Variants in FAM120A observed in about 807,000 individuals in gnomAD.
FAM120A encodes family with sequence similarity 120 member A, also known as constitutive coactivator of PPAR-gamma-like protein 1.
FAM120A carries 15 observed loss-of-function variants against 109.7 expected under a neutral mutation model. The ratio of observed to expected loss-of-function variants is 0.14; its 90% CI spans 0.09 to 0.21. The LOEUF (loss-of-function observed/expected upper bound fraction) is 0.21, where lower values mean the gene tolerates loss of function less well. Ranked by LOEUF, FAM120A falls within the 10% of genes least tolerant of loss-of-function variation. The pLI is 1.00. For missense variants in FAM120A, 899 were observed against 1,439.3 expected, an observed-to-expected ratio of 0.62 and a Z score of 6.07; for synonymous variants, 493 against 572.8, an observed-to-expected ratio of 0.86 and a Z score of 1.99.
intron 7 of FAM120A, among the ~76,000 whole-genome samples, chr9:93,521,521 G>A (rs991294899): frequency 1.3e-5 from 2 of 151,606 alleles, no homozygotes; most frequent in African/African-American, 4.9e-5. Context: ...GTTCAAGGCT[G>A]TAGTGAGCCA....
chr9:93,549,871 G>T (rs117184781), intron 11 of FAM120A, among the ~76,000 whole-genome samples: 7 of 152,326 alleles, frequency 4.6e-5, no homozygotes, highest in African/African-American at 1.7e-4. Flanking sequence ...ACTCCTTGGG[G>T]TTGTGCCTTG....
Position 93,563,130 on chromosome 9 carries a change from G to A in FAM120A, c.3045+826G>A, listed in dbSNP as rs577058060. On this transcript the variant is annotated intron_variant, in intron 17 of 17. Transcript: ENST00000277165. ...TATGTGGGGACCCTTGGTTTATGGG[G>A]GCCATTCCTTAGGCAAGGGTCACAT... is the stretch of plus-strand genomic sequence containing the variant. Among the ~76,000 whole-genome samples the A allele has an allele frequency of 6.0e-4, 91 of 152,240 alleles. 1 individual carries two copies. The highest frequency in any genetic ancestry group is 1.7e-3 in the South Asian group (8 of 4,820).
In FAM120A at chr9:93,452,504, C is replaced by G. The variant is rs767466439; in HGVS notation, c.474+115C>G. Reference sequence around the variant, plus strand: ...GCGGCGCTGGGGGCAGCGAGTTCCCCCAGCCCTTGCCCGGGATAGCCTGGC... The same window carrying G: ...GCGGCGCTGGGGGCAGCGAGTTCCCGCAGCCCTTGCCCGGGATAGCCTGGC... On this transcript the variant is annotated intron_variant, in intron 1 of 17. Coordinates refer to ENST00000277165, the MANE Select transcript of FAM120A (RefSeq NM_014612.5). The surrounding 1 kb of genome is among the most constrained non-coding windows in gnomAD (Gnocchi z 7.0). The G allele has an allele frequency of 8.4e-6, 13 of 1,548,000 alleles. No individual in the cohort carries two copies. Among genetic ancestry groups the G allele is most frequent in the Non-Finnish European group, 1.1e-5 (13 of 1,151,920 alleles).
intron 12 of FAM120A, 143 bp downstream of exon 12, chr9:93,550,834 G>C: frequency 3.4e-6 from 2 of 589,312 alleles, no homozygotes; most frequent in South Asian, 4.5e-5. Flanking sequence ...AATATGATAA[G>C]AACTTGATCA....
At chr9:93,474,048 T>C (rs1429844671) in intron 2 of FAM120A, among the ~76,000 whole-genome samples, 1 of 151,018 alleles carries the variant, frequency 6.6e-6, no homozygotes, top group Non-Finnish European at 1.5e-5. Context: ...ACTGATACTT[T>C]TCTAGCTTGT....
At chr9:93,488,450 G>A (rs1400913363) in intron 3 of FAM120A, among the ~76,000 whole-genome samples, 1 of 151,190 alleles carries the variant, frequency 6.6e-6, no homozygotes, top group Non-Finnish European at 1.5e-5. Context: ...TTTCCTCCTC[G>A]CCTCTGTTGC....
intron 10 of FAM120A, among the ~76,000 whole-genome samples, chr9:93,542,776 A>C (rs1394263910): frequency 6.6e-6 from 1 of 152,172 alleles, no homozygotes; most frequent in African/African-American, 2.4e-5. Flanking sequence ...TCTCAAATCT[A>C]ATTTATGAGG....
chr9:93,495,081 G>GT (rs1859513659), intron 3 of FAM120A, among the ~76,000 whole-genome samples: 1 of 152,192 alleles, frequency 6.6e-6, no homozygotes, highest in Admixed American at 6.5e-5. Context: ...CCTACAGGGG[G>GT]GCCAGCAGCA....
intron 10 of FAM120A, 55 bp from the exon 11 acceptor site, chr9:93,543,167 T>C: frequency 6.3e-7 from 1 of 1,581,786 alleles, no homozygotes; most frequent in Non-Finnish European, 8.6e-7. Context: ...TTGTTAAGAC[T>C]GAAAGCAGGT....
intron 3 of FAM120A, among the ~76,000 whole-genome samples, chr9:93,489,208 TC>T: frequency 6.6e-6 from 1 of 152,312 alleles, no homozygotes; most frequent in East Asian, 1.9e-4. Flanking sequence ...TAGCGTCCAC[TC>T]AGCCACTCAC....
chr9:93,514,184 C>A (rs1447479912), intron 5 of FAM120A, among the ~76,000 whole-genome samples: 1 of 152,092 alleles, frequency 6.6e-6, no homozygotes, highest in Non-Finnish European at 1.5e-5. Context: ...GGGGAAGAGC[C>A]CCTTATACAA....
intron 13 of FAM120A, among the ~76,000 whole-genome samples, chr9:93,557,576 G>T (rs1292450634): frequency 6.6e-6 from 1 of 152,220 alleles, no homozygotes; most frequent in African/African-American, 2.4e-5. Flanking sequence ...CTCAGCTGGG[G>T]TCAGTGCATC....
At chr9:93,550,184 T>G (rs1026853309) in intron 11 of FAM120A, among the ~76,000 whole-genome samples, 1 of 152,218 alleles carries the variant, frequency 6.6e-6, no homozygotes, top group East Asian at 1.9e-4. Flanking sequence ...GGATTTGTCT[T>G]TCTTATTTAT....
intron 11 of FAM120A, 37 bp from the exon 12 acceptor site, chr9:93,550,540 C>T (rs369422067): frequency 6.6e-7 from 1 of 1,520,910 alleles, no homozygotes; most frequent in South Asian, 1.1e-5. Context: ...GGCGACCACT[C>T]AGTAATCACC....
intron 11 of FAM120A, among the ~76,000 whole-genome samples, chr9:93,548,771 A>T (rs1032550144): frequency 6.6e-6 from 1 of 152,156 alleles, no homozygotes; most frequent in Non-Finnish European, 1.5e-5. Context: ...GGCTGGGTGC[A>T]GTGGCTCACG....
chr9:93,468,831 G>T (rs1040297201), intron 1 of FAM120A, among the ~76,000 whole-genome samples: 1 of 152,160 alleles, frequency 6.6e-6, no homozygotes, highest in Admixed American at 6.5e-5. Flanking sequence ...TGAGGTTACC[G>T]GGTTAAAGAG....
At chr9:93,507,541 A>G (rs533910655) in intron 5 of FAM120A, among the ~76,000 whole-genome samples, 26 of 152,184 alleles carry the variant, frequency 1.7e-4, no homozygotes, top group Admixed American at 4.6e-4. Context: ...GCTGGTGTGT[A>G]ATGCTGAGAG....
chr9:93,483,303 A>G (rs968976227), intron 3 of FAM120A, among the ~76,000 whole-genome samples: 1 of 152,060 alleles, frequency 6.6e-6, no homozygotes, highest in Non-Finnish European at 1.5e-5. Context: ...CCTAAAATCT[A>G]AGTACTTATT....
At chr9:93,534,380 G>A (rs1452441172) in intron 10 of FAM120A, among the ~76,000 whole-genome samples, 2 of 152,258 alleles carry the variant, frequency 1.3e-5, no homozygotes, top group East Asian at 3.9e-4. Context: ...CAGGAATGGA[G>A]CCATCCTGTG....
Sources: gnomAD v4.1 joint callset for allele counts (sites outside exome capture counted in the v4.1 genomes callset) on GRCh38, gnomAD v4.1.1 for gene constraint, Gnocchi (gnomAD v3.1) non-coding constraint, MANE v1.5 for transcripts, NCBI Gene and HGNC (gene_info 2026-07-23, HGNC 2026-07-21) for gene names.